DSCAML1: variants seen among roughly 807,000 people sequenced by gnomAD.
The protein encoded by DSCAML1 is DS cell adhesion molecule like 1.
DSCAML1 carries 38 observed loss-of-function variants against 200.5 expected under a neutral mutation model. That is an observed-to-expected ratio of 0.19 (90% CI 0.15 to 0.25). DSCAML1 has a LOEUF of 0.25. Ranked by LOEUF, DSCAML1 falls within the 10% of genes least tolerant of loss-of-function variation. DSCAML1 has a pLI of 1.00. For synonymous variants in DSCAML1, 1,215 were observed against 1,165.0 expected, an observed-to-expected ratio of 1.04 and a Z score of -0.87; for missense variants, 2,223 against 2,858.8, an observed-to-expected ratio of 0.78 and a Z score of 5.07.
At chr11:117,762,224 A>G (rs969533662) in intron 3 of DSCAML1, among the ~76,000 whole-genome samples, 2 of 152,246 alleles carry the variant, frequency 1.3e-5, no homozygotes, top group Non-Finnish European at 2.9e-5. Context: ...TAAAGCAGAC[A>G]TGGAGTGATT....
At chr11:117,659,716 C>T (rs1591371929) in intron 3 of DSCAML1, among the ~76,000 whole-genome samples, 1 of 138,372 alleles carries the variant, frequency 7.2e-6, no homozygotes, top group East Asian at 1.9e-4. Context: ...TTCTGCCTCA[C>T]ACATTTTTTT....
chr11:117,723,737 G>A (rs1376509369), intron 3 of DSCAML1, among the ~76,000 whole-genome samples: 1 of 152,148 alleles, frequency 6.6e-6, no homozygotes, highest in East Asian at 1.9e-4. Context: ...CCCACTTAGA[G>A]CCCTCTCTCC....
chr11:117,450,907 G>A (rs1027199523), intron 19 of DSCAML1, among the ~76,000 whole-genome samples: 1 of 152,200 alleles, frequency 6.6e-6, no homozygotes, highest in South Asian at 2.1e-4. Flanking sequence ...CTGAAATGGA[G>A]GCCCTTGGAG....
At chr11:117,440,791 G>A (rs79136761) in intron 21 of DSCAML1, among the ~76,000 whole-genome samples, 15,214 of 152,000 alleles carry the variant, frequency 0.1, 999 homozygotes, top group Non-Finnish European at 0.14. Context: ...CACGATGGCA[G>A]GTGCCTGTAA....
At chr11:117,675,495 T>A (rs2849437) in intron 3 of DSCAML1, among the ~76,000 whole-genome samples, 8,535 of 147,306 alleles carry the variant, frequency 0.058, 81 homozygotes, top group Non-Finnish European at 0.088. Flanking sequence ...TTTTTTTTTT[T>A]TTTTAGAGAC....
intron 3 of DSCAML1, among the ~76,000 whole-genome samples, chr11:117,703,454 C>T (rs1591419921): frequency 6.6e-6 from 1 of 152,164 alleles, no homozygotes; most frequent in Non-Finnish European, 1.5e-5. Context: ...GTTTACTCAC[C>T]ACATGTGGCA....
intron 24 of DSCAML1, 43 bp from the exon 25 acceptor site, chr11:117,438,126 A>AAGGC (rs770515499): frequency 6.5e-7 from 1 of 1,550,084 alleles, no homozygotes; most frequent in Non-Finnish European, 8.8e-7. Flanking sequence ...AGGGCAGGGC[A>AAGGC]AGGCAGCAGA....
At chr11:117,433,059 T>G in intron 29 of DSCAML1, 79 bp downstream of exon 29, 1 of 1,255,430 alleles carries the variant, frequency 8.0e-7, no homozygotes, top group Non-Finnish European at 1.2e-6. Context: ...GCCATGAGGG[T>G]TGGTGTTTGA....
chr11:117,592,182 C>T (rs899109730), intron 3 of DSCAML1, among the ~76,000 whole-genome samples: 1 of 152,122 alleles, frequency 6.6e-6, no homozygotes, highest in Non-Finnish European at 1.5e-5. Context: ...CTCCGCAGCT[C>T]TGGGCTCCTG....
chr11:117,695,315 CTTTTTTTT>C (rs753748981), intron 3 of DSCAML1, among the ~76,000 whole-genome samples: 7 of 116,720 alleles, frequency 6.0e-5, no homozygotes, highest in Admixed American at 8.8e-5. Context: ...CTTTCTTTTT[CTTTTTTTT>C]TTTTTTTTTT....
intron 3 of DSCAML1, among the ~76,000 whole-genome samples, chr11:117,738,435 GTCA>G (rs1184654151): frequency 4.6e-5 from 7 of 151,926 alleles, no homozygotes; most frequent in Non-Finnish European, 8.8e-5. Flanking sequence ...TCTGGCTGAC[GTCA>G]GCATTACTCA....
At chr11:117,731,136 T>C (rs1046778725) in intron 3 of DSCAML1, among the ~76,000 whole-genome samples, 3 of 152,096 alleles carry the variant, frequency 2.0e-5, no homozygotes, top group African/African-American at 7.2e-5. Flanking sequence ...AATGGGTATA[T>C]TGTATGGTAT....
In DSCAML1 at chr11:117,505,791, C is replaced by A; in HGVS notation, c.1784-59G>T. The A allele has an allele frequency of 6.5e-7, 1 of 1,547,920 alleles. No individual in the cohort carries two copies. The highest frequency in any genetic ancestry group is 8.7e-7 in the Non-Finnish European group (1 of 1,149,106). On this transcript the variant is annotated intron_variant, in intron 8 of 32. Coordinates refer to ENST00000651296, the MANE Select transcript of DSCAML1 (RefSeq NM_020693.4). This position sits in a 1 kb window ranked among gnomAD's most constrained non-coding sequence, Gnocchi z 6.7. ...CTGTGCATTCTCACCTGGCCGCCAA[C>A]GCCGCCTCACCTGCCTTACCTGGGG...
chr11:117,721,683 A>T (rs2054043307), intron 3 of DSCAML1, among the ~76,000 whole-genome samples: 1 of 147,770 alleles, frequency 6.8e-6, no homozygotes, highest in African/African-American at 2.4e-5. Context: ...ATATATAAGC[A>T]TATATTTATA....
In DSCAML1 at chr11:117,776,838, T is replaced by C; in HGVS notation, c.464A>G (p.Tyr155Cys). Reference sequence around the variant, plus strand: ...TTTCTCCCAAGATACAACGCTAACATATTCCTGCACTGAAGAGGGGATGAG... The same window carrying C: ...TTTCTCCCAAGATACAACGCTAACACATTCCTGCACTGAAGAGGGGATGAG... ...KCLIPSSVQE[Y>C]VSVVSWEKDT... Residue 155 changes from tyrosine to cysteine, a missense_variant, in exon 3 of 33, where the codon TAT becomes TGT. By Grantham distance (194) the Tyr-to-Cys change is radical. Around this residue, in one of 7 missense-constraint regions of DSCAML1, gnomAD observed 579 missense variants for 721.5 expected, o/e 0.80. Transcript: ENST00000651296. 3 of 1,614,150 alleles carry C rather than the reference T, an allele frequency of 1.9e-6. No individual in the cohort carries two copies. The highest frequency in any genetic ancestry group is 2.5e-6 in the Non-Finnish European group (3 of 1,180,030).
intron 3 of DSCAML1, among the ~76,000 whole-genome samples, chr11:117,613,750 G>C (rs150759877): frequency 6.6e-6 from 1 of 152,316 alleles, no homozygotes; most frequent in African/African-American, 2.4e-5. Flanking sequence ...ACTGGCCCCA[G>C]GGGGTCGGAG....
intron 3 of DSCAML1, among the ~76,000 whole-genome samples, chr11:117,769,180 TTATACA>T (rs1390582349): frequency 0.038 from 1,041 of 27,296 alleles, 9 homozygotes; most frequent in Admixed American, 0.085. Context: ...TTTATATATA[TTATACA>T]TATATATTTT....
At chr11:117,691,660 T>C (rs774467795) in intron 3 of DSCAML1, among the ~76,000 whole-genome samples, 11 of 152,222 alleles carry the variant, frequency 7.2e-5, no homozygotes, top group Non-Finnish European at 1.6e-4. Flanking sequence ...TTAATCTTAA[T>C]AACATTTTAT....
chr11:117,502,512 C>T (rs539336450), intron 11 of DSCAML1, among the ~76,000 whole-genome samples: 5 of 152,276 alleles, frequency 3.3e-5, no homozygotes, highest in African/African-American at 9.6e-5. Flanking sequence ...GGAAGTGGCT[C>T]CCCAGGGCGG....
Sources: gnomAD v4.1 joint callset for allele counts (sites outside exome capture counted in the v4.1 genomes callset) on GRCh38, gnomAD v4.1.1 for gene constraint, gnomAD v4.1.1 regional missense constraint, Gnocchi (gnomAD v3.1) non-coding constraint, MANE v1.5 for transcripts, NCBI Gene and HGNC (gene_info 2026-07-23, HGNC 2026-07-21) for gene names.